CLN6: variants seen among roughly 807,000 people sequenced by gnomAD.
CLN6 encodes the protein CLN6 transmembrane ER protein.
In CLN6, 22 loss-of-function variants were observed where a neutral mutation model predicts 33.3. That is an observed-to-expected ratio of 0.66 (90% CI 0.47 to 0.94). CLN6 has a LOEUF of 0.94. Ranked by LOEUF, CLN6 falls within the 40% of genes least tolerant of loss-of-function variation. CLN6 has a pLI of 0.00. For missense variants in CLN6, 387 were observed against 417.1 expected (o/e 0.93, Z 0.63); for synonymous variants, 201 against 174.6 (o/e 1.15, Z -1.19).
In CLN6 at chr15:68,229,628, A is replaced by G; in HGVS notation, c.-44T>C. 7.0e-7 allele frequency: 1 copy of G among 1,420,640 alleles called. No individual in the cohort carries two copies. Among genetic ancestry groups the G allele is most frequent in the South Asian group, 1.3e-5 (1 of 74,374 alleles). The allele number at this position is 1,420,640 out of a possible 1,614,324, so 88.0% of individuals were successfully genotyped here. ...TCGGCCCTGCCTTTCCGAGGAAGAGACCGGTTCAGCTCGGCTGCCCCGGCG... is the reference window on the plus strand; with the variant it reads ...TCGGCCCTGCCTTTCCGAGGAAGAGGCCGGTTCAGCTCGGCTGCCCCGGCG... On this transcript the variant is annotated 5_prime_UTR_variant, in exon 1 of 7. Coordinates refer to ENST00000249806, the MANE Select transcript of CLN6 (RefSeq NM_017882.3).
Position 68,247,740 on chromosome 15 carries a change from A to G in CLN6, c.179+8950T>C, listed in dbSNP as rs925507530. The stretch of plus-strand genomic sequence containing the variant: ...GAAAGCAATCCTAAGCAAAACGAAC[A>G]AACCTGGGTCAGGCATGGTGGCTCA... On this transcript the variant is annotated intron_variant, in intron 1 of 6. Transcript: ENST00000538696. The surrounding 1 kb of genome is among the most constrained non-coding windows in gnomAD (Gnocchi z 4.2). Among the ~76,000 whole-genome samples the G allele has an allele frequency of 6.6e-6, 1 of 152,170 alleles. No individual in the cohort carries two copies. Among genetic ancestry groups the G allele is most frequent in the African/African-American group, 2.4e-5 (1 of 41,428 alleles).
chr15:68,252,898 A>C (rs1197724521), intron 1 of CLN6, among the ~76,000 whole-genome samples: 1 of 152,232 alleles, frequency 6.6e-6, no homozygotes, highest in Non-Finnish European at 1.5e-5. Context: ...GAATATAGTC[A>C]ATCTGAAACT....
At chr15:68,224,910 A>G (rs1055532792) in intron 1 of CLN6, among the ~76,000 whole-genome samples, 2 of 152,224 alleles carry the variant, frequency 1.3e-5, no homozygotes, top group African/African-American at 4.8e-5. Flanking sequence ...TCTCCTTCCC[A>G]GCTTTCCAAG....
In CLN6 at chr15:68,214,317, G is replaced by A. The variant is rs145247814; in HGVS notation, c.270C>T (p.Asn90=). 270 of 1,613,888 alleles carry A rather than the reference G, an allele frequency of 1.7e-4. No individual in the cohort carries two copies. The African/African-American group carries it at 2.8e-3, about 17-fold the overall frequency. Residue 90 remains asparagine (N), a synonymous_variant, in exon 3 of 7, where the codon AAC becomes AAT. Coordinates refer to ENST00000249806, the MANE Select transcript of CLN6 (RefSeq NM_017882.3). ...TGAGCAAGAGAAAGGGCGTGATGAC[G>A]TTGTAGGCCATGTGGAAGTAGTCCC... The part of the protein sequence containing the change: ...SVGDYFHMAY[N]VITPFLLLKL...
chr15:68,210,423 G>A lies in CLN6; in HGVS notation c.543-664C>T, dbSNP rs558124929. Among the ~76,000 whole-genome samples the A allele has an allele frequency of 1.3e-5, 2 of 152,326 alleles. No individual in the cohort carries two copies. Among genetic ancestry groups the A allele is most frequent in the South Asian group, 4.1e-4 (2 of 4,826 alleles). On this transcript the variant is annotated intron_variant, in intron 5 of 6. Transcript: ENST00000249806. This position sits in a 1 kb window ranked among gnomAD's most constrained non-coding sequence, Gnocchi z 5.6. ...GCTCTGGCAAAGGCCAGGGAAAGAT[G>A]GCAGGAGGCCTGTCCAGGGACCCTG...
At position 68,256,626 on chromosome 15, in the gene CLN6, G is replaced by GC. The variant is rs1047270363; in HGVS notation, c.179+63dup. 9 of 592,802 alleles carry GC rather than the reference G, an allele frequency of 1.5e-5. No individual in the cohort carries two copies. Among genetic ancestry groups the GC allele is most frequent in the African/African-American group, 1.5e-4 (8 of 53,722 alleles). The allele number at this position is 592,802 out of a possible 1,614,324, so 36.7% of individuals were successfully genotyped here. On this transcript the variant is annotated intron_variant, in intron 1 of 6. Coordinates refer to the CLN6 transcript ENST00000538696. The surrounding 1 kb of genome is among the most constrained non-coding windows in gnomAD (Gnocchi z 4.1). Reference sequence around the variant, plus strand: ...GGTGTGGGCAGTGCAGTCGCACAGGGCCCCACGTTCAGAAGGGCTTCGCCC... The same window carrying GC: ...GGTGTGGGCAGTGCAGTCGCACAGGGCCCCCACGTTCAGAAGGGCTTCGCCC...
chr15:68,250,914 A>C (rs904709326), intron 1 of CLN6, among the ~76,000 whole-genome samples: 1 of 152,228 alleles, frequency 6.6e-6, no homozygotes, highest in African/African-American at 2.4e-5. Flanking sequence ...ATATCAAAAG[A>C]AGCATACTTC....
intron 2 of CLN6, among the ~76,000 whole-genome samples, chr15:68,217,525 C>G (rs931481515): frequency 6.6e-6 from 1 of 152,180 alleles, no homozygotes; most frequent in Non-Finnish European, 1.5e-5. Context: ...CCACCATGCC[C>G]GGCCCCAAAA....
chr15:68,221,694 G>A (rs1048159164), intron 1 of CLN6, among the ~76,000 whole-genome samples: 10 of 151,366 alleles, frequency 6.6e-5, no homozygotes, highest in South Asian at 4.2e-4. Flanking sequence ...GCCGCCCATC[G>A]TCTGGGATGT....
intron 1 of CLN6, among the ~76,000 whole-genome samples, chr15:68,223,206 A>T (rs1392133578): frequency 6.6e-6 from 1 of 152,142 alleles, no homozygotes; most frequent in African/African-American, 2.4e-5. Context: ...GCCTCAAAGC[A>T]CGGATGGATG....
intron 2 of CLN6, among the ~76,000 whole-genome samples, chr15:68,217,920 T>TACCTAC (rs879384455): frequency 2.3e-3 from 23 of 10,112 alleles, no homozygotes; most frequent in East Asian, 0.016. Context: ...TACCTACCTA[T>TACCTAC]CTATCTTCCA....
Position 68,228,455 on chromosome 15 carries a change from C to T in CLN6, c.83+1047G>A, listed in dbSNP as rs2093258412. Among the ~76,000 whole-genome samples the T allele has an allele frequency of 1.3e-5, 2 of 152,202 alleles. No individual in the cohort carries two copies. The highest frequency in any genetic ancestry group is 4.8e-5 in the African/African-American group (2 of 41,448). ...TTTGAGGCGGCACTCACGGTCACGG[C>T]AGTGCGCCTACCCCTAAGTTTTGCA... On this transcript the variant is annotated intron_variant, in intron 1 of 6. Transcript: ENST00000249806. The surrounding 1 kb of genome is among the most constrained non-coding windows in gnomAD (Gnocchi z 4.4).
rs34196710 is a variant in CLN6 at position 68,224,265 on chromosome 15, C to CAAAAA, written c.83+5232_83+5236dup. 3.9e-4 allele frequency among the ~76,000 whole-genome samples: 18 copies of CAAAAA among 46,720 alleles called. 1 individual carries two copies. The highest frequency in any genetic ancestry group is 8.0e-4 in the Admixed American group (2 of 2,500). The allele number at this position is 46,720 out of a possible 152,430, so 30.7% of individuals were successfully genotyped here. On this transcript the variant is annotated intron_variant, in intron 1 of 6. Coordinates refer to ENST00000249806, the MANE Select transcript of CLN6 (RefSeq NM_017882.3). ...TGGGTGACAGAGTAAGACCTTATTG[C>CAAAAA]AAAAAAAAAAAAAAAAAAAAAAAAA...
chr15:68,256,872 C>T lies in CLN6; in HGVS notation c.-4G>A. 1.5e-6 allele frequency: 1 copy of T among 683,128 alleles called. No homozygotes were observed. The allele number at this position is 683,128 out of a possible 1,614,324, so 42.3% of individuals were successfully genotyped here. A position where few individuals can be genotyped will look rare whatever the true frequency, so the allele number is the denominator to read the frequency against. ...CCTTCCCGGCAACGGCTGCCATTTT[C>T]CGCCCAGGCAAGGTCCTGGGCGCGG... is the stretch of plus-strand genomic sequence containing the variant. On this transcript the variant is annotated 5_prime_UTR_variant, in exon 1 of 7. Coordinates refer to the CLN6 transcript ENST00000538696. This position sits in a 1 kb window ranked among gnomAD's most constrained non-coding sequence, Gnocchi z 4.1.
In CLN6 at chr15:68,209,811, C is replaced by T; in HGVS notation, c.543-52G>A. ...AGGCCTGCTCAGCGGCCCTCTTCCC[C>T]ACAACCTCTGCAACCACTCCCATGG... On this transcript the variant is annotated intron_variant, in intron 5 of 6. Transcript: ENST00000249806. This position sits in a 1 kb window ranked among gnomAD's most constrained non-coding sequence, Gnocchi z 4.9. 1.2e-6 allele frequency: 2 copies of T among 1,608,266 alleles called. No individual in the cohort carries two copies. Among genetic ancestry groups the T allele is most frequent in the Non-Finnish European group, 1.7e-6 (2 of 1,177,938 alleles).
At chr15:68,239,315 A>T (rs76541548) in intron 1 of CLN6, among the ~76,000 whole-genome samples, 2 of 149,580 alleles carry the variant, frequency 1.3e-5, no homozygotes, top group Non-Finnish European at 3.0e-5. Flanking sequence ...GACCTAAATT[A>T]AAAAAAAAAT....
intron 1 of CLN6, among the ~76,000 whole-genome samples, chr15:68,235,915 G>C (rs577480895): frequency 3.3e-5 from 5 of 152,152 alleles, no homozygotes; most frequent in Non-Finnish European, 7.3e-5. Context: ...CTCCAGGAAT[G>C]TATTAAACAC....
At chr15:68,257,113 C>T (rs1243522192), upstream of CLN6, 4 of 373,058 alleles carry the variant, frequency 1.1e-5, no homozygotes, top group Non-Finnish European at 1.9e-5. Flanking sequence ...TTCTGCAGGC[C>T]TCTCCCCGCC....
intron 2 of CLN6, among the ~76,000 whole-genome samples, chr15:68,216,469 A>T (rs1157474849): frequency 6.6e-6 from 1 of 152,146 alleles, no homozygotes; most frequent in Non-Finnish European, 1.5e-5. Context: ...ACCAGCACCC[A>T]CCATCACTCC....
Sources: gnomAD v4.1 joint callset for allele counts (sites outside exome capture counted in the v4.1 genomes callset) on GRCh38, gnomAD v4.1.1 for gene constraint, Gnocchi (gnomAD v3.1) non-coding constraint, MANE v1.5 for transcripts, NCBI Gene and HGNC (gene_info 2026-07-23, HGNC 2026-07-21) for gene names.